RPS6KA2: variants seen among roughly 807,000 people sequenced by gnomAD.
The protein encoded by RPS6KA2 is ribosomal protein S6 kinase A2.
In RPS6KA2, 42 loss-of-function variants were observed where a neutral mutation model predicts 91.8. That is an observed-to-expected ratio of 0.46 (90% confidence interval 0.36 to 0.59). The LOEUF (loss-of-function observed/expected upper bound fraction) is 0.59. RPS6KA2 is among the 20% of genes least tolerant of loss of function. The pLI is 0.00. For missense variants in RPS6KA2, 798 were observed against 978.5 expected, an observed-to-expected ratio of 0.82 and a Z score of 2.46; for synonymous variants, 414 against 393.6, an observed-to-expected ratio of 1.05 and a Z score of -0.61.
At chr6:166,413,714 T>C in intron 20 of RPS6KA2, 80 bp downstream of exon 20, 1 of 1,468,010 alleles carries the variant, frequency 6.8e-7, no homozygotes, top group Non-Finnish European at 9.3e-7. Flanking sequence ...TGTGGTTTCT[T>C]CGGAGTGATT....
At chr6:166,617,071 G>C (rs1210778881) in intron 1 of RPS6KA2, among the ~76,000 whole-genome samples, 1 of 152,218 alleles carries the variant, frequency 6.6e-6, no homozygotes, top group Non-Finnish European at 1.5e-5. Context: ...GTGGGCCGAA[G>C]GCAGTCACAG....
intron 2 of RPS6KA2, among the ~76,000 whole-genome samples, chr6:166,762,744 A>G (rs1208860274): frequency 6.6e-6 from 1 of 152,280 alleles, no homozygotes; most frequent in East Asian, 1.9e-4. Context: ...AACGACCTTC[A>G]CTTCTGCCCC....
chr6:166,608,015 G>GA lies in RPS6KA2; in HGVS notation c.99+18905dup, dbSNP rs35201506. ...AGAAGGCAAAACCTTGTCTCAGAAAGAAAAAAAAAAAAAAGAGAGAGAGAG... is the reference window on the plus strand; with the variant it reads ...AGAAGGCAAAACCTTGTCTCAGAAAGAAAAAAAAAAAAAAAGAGAGAGAGAG... On this transcript the variant is annotated intron_variant, in intron 1 of 20. Coordinates refer to ENST00000265678, the MANE Select transcript of RPS6KA2 (RefSeq NM_021135.6). 7.4e-3 allele frequency among the ~76,000 whole-genome samples: 953 copies of GA among 128,056 alleles called. 3 individuals are homozygous for GA. Among genetic ancestry groups the GA allele is most frequent in the African/African-American group, 0.016 (545 of 34,640 alleles). 84.0% of individuals were successfully genotyped at this position (128,056 alleles called of 152,430 possible).
In RPS6KA2 at chr6:166,508,567, A is replaced by T. The variant is rs924248274; in HGVS notation, c.380-285T>A. On this transcript the variant is annotated intron_variant, in intron 4 of 20. Transcript: ENST00000265678. The surrounding 1 kb of genome is among the most constrained non-coding windows in gnomAD (Gnocchi z 4.3). ...CTTTTTTAATCACAAAGGAATTGAA[A>T]GATACACGGGGAGAAAGATGTGAAT... 2.6e-5 allele frequency among the ~76,000 whole-genome samples: 4 copies of T among 152,146 alleles called. No individual in the cohort carries two copies. Among genetic ancestry groups the T allele is most frequent in the African/African-American group, 9.7e-5 (4 of 41,420 alleles).
chr6:166,517,206 C>G (rs1421724103), intron 3 of RPS6KA2, among the ~76,000 whole-genome samples: 1 of 151,860 alleles, frequency 6.6e-6, no homozygotes, highest in East Asian at 1.9e-4. Flanking sequence ...CAAAAAAACA[C>G]AAAGCTGGCC....
intron 1 of RPS6KA2, among the ~76,000 whole-genome samples, chr6:166,577,270 G>A (rs1784863991): frequency 6.6e-6 from 1 of 152,244 alleles, no homozygotes; most frequent in Non-Finnish European, 1.5e-5. Context: ...CCTTACTGTG[G>A]CACTGCCTGG....
intron 2 of RPS6KA2, among the ~76,000 whole-genome samples, chr6:166,835,448 A>C (rs1423554404): frequency 1.3e-5 from 2 of 152,146 alleles, no homozygotes; most frequent in African/African-American, 4.8e-5. Flanking sequence ...CCTCCCTTTA[A>C]GCTCTCAGCC....
At chr6:166,624,861 G>C (rs564096237) in intron 1 of RPS6KA2, among the ~76,000 whole-genome samples, 9 of 151,326 alleles carry the variant, frequency 5.9e-5, no homozygotes, top group Non-Finnish European at 1.0e-4. Flanking sequence ...TTTGAGACAA[G>C]TCTCGCTCTC....
chr6:166,569,023 C>G (rs1264529797), intron 1 of RPS6KA2, among the ~76,000 whole-genome samples: 1 of 152,020 alleles, frequency 6.6e-6, no homozygotes, highest in South Asian at 2.1e-4. Flanking sequence ...CATTAATAAA[C>G]GTATACAAAA....
chr6:166,517,243 C>T (rs1468768061), intron 3 of RPS6KA2, among the ~76,000 whole-genome samples: 1 of 151,796 alleles, frequency 6.6e-6, no homozygotes, highest in African/African-American at 2.4e-5. Context: ...ACCTGTAATC[C>T]CAACATTTTG....
At chr6:166,768,076 C>T (rs572319202) in intron 2 of RPS6KA2, among the ~76,000 whole-genome samples, 1 of 152,316 alleles carries the variant, frequency 6.6e-6, no homozygotes, top group Admixed American at 6.5e-5. Flanking sequence ...ACCCAATCGA[C>T]AGATGATGGA....
At chr6:166,678,585 CAGATA>C (rs1788684886) in intron 2 of RPS6KA2, among the ~76,000 whole-genome samples, 1 of 152,228 alleles carries the variant, frequency 6.6e-6, no homozygotes, top group Non-Finnish European at 1.5e-5. Context: ...TCTTTCCCAA[CAGATA>C]AGATCGTTTA....
At chr6:166,854,824 C>T (rs746695710) in intron 2 of RPS6KA2, among the ~76,000 whole-genome samples, 6 of 152,156 alleles carry the variant, frequency 3.9e-5, no homozygotes, top group Admixed American at 3.9e-4. Context: ...ACCATTTGAT[C>T]CATAATCCCA....
chr6:166,741,755 C>T (rs1004109538), intron 2 of RPS6KA2, among the ~76,000 whole-genome samples: 4 of 152,236 alleles, frequency 2.6e-5, no homozygotes, highest in Admixed American at 1.3e-4. Context: ...CAGAAAATTG[C>T]TCTCCTGGGA....
At chr6:166,832,077 GATAGATAT>G (rs1780201668) in intron 2 of RPS6KA2, among the ~76,000 whole-genome samples, 1 of 150,418 alleles carries the variant, frequency 6.6e-6, no homozygotes, top group African/African-American at 2.5e-5. Flanking sequence ...TAGATAGATA[GATAGATAT>G]AGATAATCTA....
In RPS6KA2 at chr6:166,488,772, C is replaced by A. The variant is rs558928943; in HGVS notation, c.907+61G>T. ...AGGAGGGTGGCCCTCCACATCTCCA[C>A]TGTAGCTTGCGGGGCAGCGCCCTGC... On this transcript the variant is annotated intron_variant, in intron 10 of 20. Transcript: ENST00000265678. 514 of 1,365,496 alleles carry A rather than the reference C, an allele frequency of 3.8e-4. 1 individual carries two copies. The African/African-American group carries it at 6.3e-3, about 17-fold the overall frequency. The allele number at this position is 1,365,496 out of a possible 1,614,324, so 84.6% of individuals were successfully genotyped here. A position where few individuals can be genotyped will look rare whatever the true frequency, so the allele number is the denominator to read the frequency against.
chr6:166,469,118 G>T (rs986238551), intron 11 of RPS6KA2, among the ~76,000 whole-genome samples: 1 of 152,196 alleles, frequency 6.6e-6, no homozygotes, highest in African/African-American at 2.4e-5. Context: ...AACTCCCTGT[G>T]TGGGGGACGC....
At position 166,508,607 on chromosome 6, in the gene RPS6KA2, C is replaced by T. The variant is rs1273398020; in HGVS notation, c.380-325G>A. 3.3e-5 allele frequency among the ~76,000 whole-genome samples: 5 copies of T among 152,124 alleles called. No homozygotes were observed. Among genetic ancestry groups the T allele is most frequent in the African/African-American group, 1.2e-4 (5 of 41,410 alleles). ...AAGATGTGAATATTTAAGCTGGTAT[C>T]GTTGCTGGCTTTTGTCGTAATGCAT... On this transcript the variant is annotated intron_variant, in intron 4 of 20. Coordinates refer to ENST00000265678, the MANE Select transcript of RPS6KA2 (RefSeq NM_021135.6). This position sits in a 1 kb window ranked among gnomAD's most constrained non-coding sequence, Gnocchi z 4.3.
chr6:166,428,635 G>C (rs1195774415), intron 16 of RPS6KA2, among the ~76,000 whole-genome samples: 7 of 148,452 alleles, frequency 4.7e-5, no homozygotes, highest in South Asian at 2.1e-4. Context: ...CCATCAAAAA[G>C]TGGGCGAAGG....
Sources: gnomAD v4.1 joint callset for allele counts (sites outside exome capture counted in the v4.1 genomes callset) on GRCh38, gnomAD v4.1.1 for gene constraint, Gnocchi (gnomAD v3.1) non-coding constraint, MANE v1.5 for transcripts, NCBI Gene and HGNC (gene_info 2026-07-23, HGNC 2026-07-21) for gene names.